Variants in MTSS1 observed in about 807,000 individuals in gnomAD.
MTSS1 encodes MTSS I-BAR domain containing 1, also known as protein MTSS 1.
A neutral mutation model predicts 79.0 loss-of-function variants in MTSS1; 18 were observed. That is an observed-to-expected ratio of 0.23 (90% confidence interval 0.16 to 0.34). The LOEUF (loss-of-function observed/expected upper bound fraction) is 0.34. Among genes scored for constraint, MTSS1 ranks in the 10% least tolerant of loss-of-function variants. The pLI is 1.00. For missense variants in MTSS1, 815 were observed against 986.2 expected, an observed-to-expected ratio of 0.83 and a Z score of 2.33; for synonymous variants, 341 against 368.6, an observed-to-expected ratio of 0.93 and a Z score of 0.86.
At chr8:124,633,289 G>T (rs369695135) in intron 3 of MTSS1, among the ~76,000 whole-genome samples, 32 of 152,130 alleles carry the variant, frequency 2.1e-4, no homozygotes, top group African/African-American at 7.5e-4. Context: ...AACCTCTTGG[G>T]AACTCATCTT....
chr8:124,657,091 ATGAT>A (rs1419969508), intron 3 of MTSS1, among the ~76,000 whole-genome samples: 1 of 152,216 alleles, frequency 6.6e-6, no homozygotes, highest in Admixed American at 6.5e-5. Flanking sequence ...ATGTGAATGA[ATGAT>A]TGTTAATTTT....
At chr8:124,718,234 T>G (rs545260777) in intron 1 of MTSS1, among the ~76,000 whole-genome samples, 5 of 150,788 alleles carry the variant, frequency 3.3e-5, no homozygotes, top group African/African-American at 1.2e-4. Flanking sequence ...TAATCCCTCA[T>G]GAAATGCTCT....
intron 3 of MTSS1, among the ~76,000 whole-genome samples, chr8:124,616,882 T>G (rs1254316115): frequency 1.3e-5 from 2 of 152,242 alleles, no homozygotes; most frequent in African/African-American, 4.8e-5. Context: ...ATTTCAAATT[T>G]GAACCTTTCA....
chr8:124,556,209 G>C (rs1331992131), intron 12 of MTSS1, 23 bp downstream of exon 12: 1 of 1,614,020 alleles, frequency 6.2e-7, no homozygotes, highest in African/African-American at 1.3e-5. Flanking sequence ...GCCCCAACCA[G>C]CTACTGAGAA....
At chr8:124,713,350 A>T (rs1172206319) in intron 1 of MTSS1, among the ~76,000 whole-genome samples, 2 of 152,176 alleles carry the variant, frequency 1.3e-5, no homozygotes, top group Admixed American at 6.5e-5. Context: ...AAATGTATGT[A>T]TGTGTTCCAT....
At chr8:124,714,612 C>T (rs1831650659) in intron 1 of MTSS1, among the ~76,000 whole-genome samples, 1 of 152,010 alleles carries the variant, frequency 6.6e-6, no homozygotes, top group Non-Finnish European at 1.5e-5. Flanking sequence ...CAGGAGTGTG[C>T]CATCATGTTC....
intron 3 of MTSS1, among the ~76,000 whole-genome samples, chr8:124,690,561 A>G (rs1463951220): frequency 6.6e-6 from 1 of 152,242 alleles, no homozygotes; most frequent in African/African-American, 2.4e-5. Context: ...AACACGACTG[A>G]GGCAGGAGCA....
chr8:124,655,058 C>A lies in MTSS1; in HGVS notation c.208+44468G>T, dbSNP rs560895617. 2.6e-5 allele frequency among the ~76,000 whole-genome samples: 4 copies of A among 152,364 alleles called. No homozygotes were observed. The South Asian group carries it at 8.3e-4, about 32-fold the overall frequency. On this transcript the variant is annotated intron_variant, in intron 3 of 13. Transcript: ENST00000518547. ...CAAATGAAGCACTTTTCCACCCTCT[C>A]TTTTCTGCTCTCTAGCCCCCTAAAC...
At chr8:124,574,348 T>A (rs574035875) in intron 6 of MTSS1, among the ~76,000 whole-genome samples, 4 of 83,268 alleles carry the variant, frequency 4.8e-5, no homozygotes, top group African/African-American at 2.4e-4. Flanking sequence ...TCCTTAATCA[T>A]TATTACATAA....
At chr8:124,633,128 T>C (rs57471453) in intron 3 of MTSS1, among the ~76,000 whole-genome samples, 4,256 of 152,084 alleles carry the variant, frequency 0.028, 171 homozygotes, top group African/African-American at 0.097. Flanking sequence ...CTGGGCAACA[T>C]AGTGAGACCC....
chr8:124,584,692 G>T (rs1041544487), intron 6 of MTSS1, among the ~76,000 whole-genome samples: 3 of 152,136 alleles, frequency 2.0e-5, no homozygotes, highest in Non-Finnish European at 4.4e-5. Context: ...TTAATAAAGG[G>T]TTTTGAAGAT....
intron 3 of MTSS1, among the ~76,000 whole-genome samples, chr8:124,639,884 T>C (rs934360170): frequency 4.6e-5 from 7 of 152,148 alleles, no homozygotes; most frequent in African/African-American, 1.7e-4. Context: ...GTGAATAAGG[T>C]AAACATTATA....
chr8:124,598,092 C>T (rs781761208), intron 3 of MTSS1, among the ~76,000 whole-genome samples: 16 of 152,036 alleles, frequency 1.1e-4, no homozygotes, highest in Non-Finnish European at 2.1e-4. Context: ...TAAGCGATAC[C>T]AACTAGCAAC....
At position 124,691,710 on chromosome 8, in the gene MTSS1, T is replaced by G. The variant is rs191327262; in HGVS notation, c.208+7816A>C. Among the ~76,000 whole-genome samples, 1,044 of 152,216 alleles carry G rather than the reference T, an allele frequency of 6.9e-3. 16 individuals are homozygous for G. Among genetic ancestry groups the G allele is most frequent in the Admixed American group, 0.027 (410 of 15,304 alleles). ...TTTGTATTTTTAGTAGAGATGGGGT[T>G]TCACCATATTGGCCAGGCTGGTCTC... is the stretch of plus-strand genomic sequence containing the variant. On this transcript the variant is annotated intron_variant, in intron 3 of 13. Coordinates refer to ENST00000518547, the MANE Select transcript of MTSS1 (RefSeq NM_014751.6).
At chr8:124,589,099 T>G (rs1023879399) in intron 5 of MTSS1, among the ~76,000 whole-genome samples, 2 of 151,630 alleles carry the variant, frequency 1.3e-5, no homozygotes, top group Admixed American at 1.3e-4. Context: ...GGTGCAATCT[T>G]GGCTCACTGC....
At chr8:124,705,213 G>A (rs1321985375) in intron 1 of MTSS1, among the ~76,000 whole-genome samples, 4 of 152,338 alleles carry the variant, frequency 2.6e-5, no homozygotes, top group East Asian at 3.9e-4. Flanking sequence ...GCTCACAGCT[G>A]TAATTCCAGC....
At chr8:124,559,361 A>G (rs915908235) in intron 10 of MTSS1, among the ~76,000 whole-genome samples, 2 of 152,172 alleles carry the variant, frequency 1.3e-5, no homozygotes, top group Admixed American at 1.3e-4. Flanking sequence ...CCTTTCATCA[A>G]ATGCAGCCTG....
intron 6 of MTSS1, chr8:124,568,862 A>G: frequency 9.1e-6 from 13 of 1,429,158 alleles, no homozygotes; most frequent in Non-Finnish European, 1.2e-5. Context: ...AGAGCCAGAC[A>G]GCATTCTTTC....
At chr8:124,688,719 T>C (rs1292912107) in intron 3 of MTSS1, among the ~76,000 whole-genome samples, 8 of 152,080 alleles carry the variant, frequency 5.3e-5, no homozygotes, top group Admixed American at 1.3e-4. Context: ...TTTCACAACC[T>C]ATGCTGTGTC....
Sources: gnomAD v4.1 joint callset for allele counts (sites outside exome capture counted in the v4.1 genomes callset) on GRCh38, gnomAD v4.1.1 for gene constraint, MANE v1.5 for transcripts, NCBI Gene and HGNC (gene_info 2026-07-23, HGNC 2026-07-21) for gene names.